The following DCC variants were observed in gnomAD, a reference collection of about 807,000 sequenced individuals.
DCC encodes the protein netrin receptor DCC.
In DCC, 58 loss-of-function variants were observed where a neutral mutation model predicts 172.5. The ratio of observed to expected loss-of-function variants is 0.34; its 90% CI spans 0.27 to 0.42. The LOEUF is 0.42. Among genes scored for constraint, DCC ranks in the 10% least tolerant of loss-of-function variants. The probability of loss-of-function intolerance (pLI) is 1.00; values close to 1 mark genes in which losing one functional copy is unlikely to be tolerated. For missense variants in DCC, 1,740 were observed against 1,791.0 expected (o/e 0.97, Z 0.51); for synonymous variants, 709 against 644.5 (o/e 1.10, Z -1.52).
intron 2 of DCC, among the ~76,000 whole-genome samples, chr18:52,819,682 T>G (rs887788834): frequency 1.3e-5 from 2 of 151,900 alleles, no homozygotes; most frequent in African/African-American, 4.8e-5. Context: ...TGAGTAAACC[T>G]AAACCTAATT....
intron 5 of DCC, among the ~76,000 whole-genome samples, chr18:53,010,383 A>T (rs2041710201): frequency 6.6e-6 from 1 of 151,706 alleles, no homozygotes; most frequent in South Asian, 2.1e-4. Flanking sequence ...TAATTTTGCC[A>T]AGTTTGAAAC....
intron 26 of DCC, among the ~76,000 whole-genome samples, chr18:53,498,322 ATATTATCT>A (rs2046050766): frequency 6.6e-6 from 1 of 152,078 alleles, no homozygotes; most frequent in Non-Finnish European, 1.5e-5. Context: ...CAAAAGCAAG[ATATTATCT>A]TATATCACTG....
At chr18:53,288,859 T>C (rs559136290) in intron 12 of DCC, among the ~76,000 whole-genome samples, 1 of 152,138 alleles carries the variant, frequency 6.6e-6, no homozygotes, top group Non-Finnish European at 1.5e-5. Context: ...TAAATAAAAT[T>C]GGTACAGTAG....
chr18:53,036,162 A>G (rs946287211), intron 5 of DCC, among the ~76,000 whole-genome samples: 6 of 152,022 alleles, frequency 3.9e-5, no homozygotes, highest in African/African-American at 1.4e-4. Flanking sequence ...TAGGTTTACA[A>G]AAAATTTAAG....
At chr18:52,643,482 T>C (rs771028280) in intron 1 of DCC, among the ~76,000 whole-genome samples, 13 of 152,208 alleles carry the variant, frequency 8.5e-5, no homozygotes, top group Admixed American at 2.6e-4. Flanking sequence ...CCACATGATT[T>C]TTGCTCTTCT....
chr18:52,391,067 C>T (rs766757368), intron 1 of DCC, among the ~76,000 whole-genome samples: 5 of 151,998 alleles, frequency 3.3e-5, no homozygotes, highest in Non-Finnish European at 7.4e-5. Flanking sequence ...TAGGCTTCTA[C>T]ATTCATGTAT....
chr18:52,899,491 T>A (rs1034141894), intron 2 of DCC, among the ~76,000 whole-genome samples: 4 of 151,488 alleles, frequency 2.6e-5, no homozygotes, highest in African/African-American at 9.7e-5. Flanking sequence ...GTAGCTGGGG[T>A]TACAGACATG....
intron 1 of DCC, among the ~76,000 whole-genome samples, chr18:52,585,076 G>T (rs981286229): frequency 1.3e-5 from 2 of 152,128 alleles, no homozygotes; most frequent in East Asian, 1.9e-4. Context: ...CAAAGCACAC[G>T]CTCACTGGGA....
chr18:53,005,501 A>C (rs2041630698), intron 5 of DCC, among the ~76,000 whole-genome samples: 1 of 152,144 alleles, frequency 6.6e-6, no homozygotes, highest in African/African-American at 2.4e-5. Flanking sequence ...TGGGAGGCCA[A>C]GTTGGGCAGA....
chr18:53,177,732 C>T (rs2055128963), intron 8 of DCC, among the ~76,000 whole-genome samples: 1 of 152,246 alleles, frequency 6.6e-6, no homozygotes, highest in African/African-American at 2.4e-5. Flanking sequence ...ATCACATACA[C>T]TCAACCTCTT....
chr18:52,817,529 T>C (rs1686928716), intron 2 of DCC, among the ~76,000 whole-genome samples: 2 of 152,298 alleles, frequency 1.3e-5, no homozygotes, highest in African/African-American at 2.4e-5. Context: ...ATTTTCATAA[T>C]TGAGATTTCT....
In DCC at chr18:53,433,442, A is replaced by G. The variant is rs557926786; in HGVS notation, c.3164-1702A>G. On this transcript the variant is annotated intron_variant, in intron 21 of 28. Transcript: ENST00000442544. Reference sequence around the variant, plus strand: ...TACCTAGCTAATTTCCAGCCGATACAGGATTATTCCCAACAGGAAACATGT... The same window carrying G: ...TACCTAGCTAATTTCCAGCCGATACGGGATTATTCCCAACAGGAAACATGT... Among the ~76,000 whole-genome samples, 7 of 152,336 alleles carry G rather than the reference A, an allele frequency of 4.6e-5. No individual in the cohort carries two copies. In the East Asian group the frequency reaches 1.4e-3, roughly 29 times the overall value.
At chr18:52,998,381 TG>T (rs2041515915) in intron 5 of DCC, among the ~76,000 whole-genome samples, 1 of 152,068 alleles carries the variant, frequency 6.6e-6, no homozygotes, top group Admixed American at 6.6e-5. Context: ...CAAGCTTATA[TG>T]GAAACAGCAT....
At chr18:52,363,002 G>A (rs745605260) in intron 1 of DCC, among the ~76,000 whole-genome samples, 2 of 152,010 alleles carry the variant, frequency 1.3e-5, no homozygotes, top group African/African-American at 2.4e-5. Context: ...GGGTTCAAGC[G>A]ATTACCCTGC....
chr18:52,821,262 T>C (rs754977164), intron 2 of DCC, among the ~76,000 whole-genome samples: 7 of 152,280 alleles, frequency 4.6e-5, no homozygotes, highest in Admixed American at 1.3e-4. Context: ...GTTACTTCTA[T>C]CTAAACAACC....
At chr18:52,948,285 C>G (rs1464490347) in intron 5 of DCC, among the ~76,000 whole-genome samples, 1 of 150,664 alleles carries the variant, frequency 6.6e-6, no homozygotes, top group Non-Finnish European at 1.5e-5. Flanking sequence ...TCATAAGTTT[C>G]TTATCCATAA....
At chr18:53,058,375 C>A (rs1364423743) in intron 5 of DCC, among the ~76,000 whole-genome samples, 2 of 152,042 alleles carry the variant, frequency 1.3e-5, no homozygotes, top group Non-Finnish European at 2.9e-5. Flanking sequence ...ACATTGAAAG[C>A]TCATTGACAA....
At chr18:52,982,764 T>C (rs555640859) in intron 5 of DCC, among the ~76,000 whole-genome samples, 1 of 152,340 alleles carries the variant, frequency 6.6e-6, no homozygotes, top group African/African-American at 2.4e-5. Context: ...GCATTTGTGA[T>C]AGAAGAGGGA....
chr18:53,114,258 C>A (rs905256338), intron 7 of DCC, among the ~76,000 whole-genome samples: 5 of 151,264 alleles, frequency 3.3e-5, no homozygotes, highest in Admixed American at 2.0e-4. Context: ...ACACCCCCCC[C>A]ACCCCAAGTA....
Sources: allele counts gnomAD v4.1 joint callset (sites outside exome capture counted in the v4.1 genomes callset), GRCh38; gene constraint gnomAD v4.1.1; transcripts MANE v1.5; gene names NCBI Gene and HGNC (gene_info 2026-07-23, HGNC 2026-07-21).